PDE1C: variants seen among roughly 807,000 people sequenced by gnomAD.
PDE1C encodes the protein phosphodiesterase 1C, also known as dual specificity calcium/calmodulin-dependent 3',5'-cyclic nucleotide phosphodiesterase 1C.
In PDE1C, 62 loss-of-function variants were observed where a neutral mutation model predicts 93.1. That is an observed-to-expected ratio of 0.67 (90% confidence interval 0.54 to 0.82). PDE1C has a LOEUF of 0.82. Among genes scored for constraint, PDE1C ranks in the 40% least tolerant of loss-of-function variants. PDE1C has a pLI of 0.00. For synonymous variants in PDE1C, 325 were observed against 310.1 expected (o/e 1.05, Z -0.50); for missense variants, 742 against 884.6 (o/e 0.84, Z 2.04).
intron 8 of PDE1C, among the ~76,000 whole-genome samples, chr7:31,848,797 G>A (rs12701147): frequency 0.17 from 25,144 of 152,154 alleles, 2,175 homozygotes; most frequent in Middle Eastern, 0.24. Context: ...CCCTTTGGTG[G>A]CCAAGTGGCA....
At chr7:32,074,056 A>T (rs1796213385), upstream of PDE1C, among the ~76,000 whole-genome samples, 1 of 152,220 alleles carries the variant, frequency 6.6e-6, no homozygotes, top group Non-Finnish European at 1.5e-5. Context: ...GCATGCATAC[A>T]TACATATAAC....
chr7:32,011,986 T>C, intron 2 of PDE1C, among the ~76,000 whole-genome samples: 1 of 152,236 alleles, frequency 6.6e-6, no homozygotes, highest in Non-Finnish European at 1.5e-5. Flanking sequence ...AATGAACTAG[T>C]ATTCCACAAT....
chr7:32,360,434 G>A (rs1438821027), intron 1 of PDE1C, among the ~76,000 whole-genome samples: 1 of 151,928 alleles, frequency 6.6e-6, no homozygotes, highest in African/African-American at 2.4e-5. Context: ...CCTCAAGGCA[G>A]AGGTCTTTCT....
At chr7:32,003,712 CTGT>C in intron 2 of PDE1C, among the ~76,000 whole-genome samples, 1 of 152,294 alleles carries the variant, frequency 6.6e-6, no homozygotes, top group Admixed American at 6.5e-5. Context: ...TCTACAGAGA[CTGT>C]AGAAAAATGG....
the PDE1C span, among the ~76,000 whole-genome samples, chr7:31,730,079 G>A: frequency 1.2e-4 from 18 of 152,214 alleles, no homozygotes; most frequent in East Asian, 2.5e-3. Flanking sequence ...TTGATCTGAC[G>A]AGTAAGTGAG....
At chr7:31,838,123 A>C in intron 9 of PDE1C, 152 bp from the exon 10 acceptor site, 1 of 624,716 alleles carries the variant, frequency 1.6e-6, no homozygotes, top group South Asian at 1.9e-5. Flanking sequence ...TTTTCAAATA[A>C]GGAATAAATG....
At chr7:31,639,904 G>C in the PDE1C span, among the ~76,000 whole-genome samples, 1 of 152,112 alleles carries the variant, frequency 6.6e-6, no homozygotes, top group Non-Finnish European at 1.5e-5. Flanking sequence ...TAGTCTTAGG[G>C]TGGTTTCAAT....
At chr7:32,014,338 C>T (rs1787583634) in intron 2 of PDE1C, among the ~76,000 whole-genome samples, 1 of 152,128 alleles carries the variant, frequency 6.6e-6, no homozygotes. Context: ...TTCAAAAGAT[C>T]ACCCTATCAC....
chr7:31,840,163 A>G (rs1160752908), intron 9 of PDE1C, among the ~76,000 whole-genome samples: 2 of 152,176 alleles, frequency 1.3e-5, no homozygotes, highest in Non-Finnish European at 2.9e-5. Context: ...AATTTCAGCC[A>G]TTCTTCTGAT....
intron 2 of PDE1C, among the ~76,000 whole-genome samples, chr7:32,207,923 TG>T (rs1045149181): frequency 1.8e-4 from 28 of 152,226 alleles, no homozygotes; most frequent in African/African-American, 6.5e-4. Context: ...CCTCACAGCG[TG>T]GTTGGGTCAC....
chr7:32,274,859 G>A lies in PDE1C; in HGVS notation c.85+23792C>T, dbSNP rs111660726. Reference sequence around the variant, plus strand: ...ATTAACGTGTTTACAATTTGCTAACGTGCTTAAGAAAATTGATATGGTTCA... The same window carrying A: ...ATTAACGTGTTTACAATTTGCTAACATGCTTAAGAAAATTGATATGGTTCA... On this transcript the variant is annotated intron_variant, in intron 1 of 18. Transcript: ENST00000396193. Among the ~76,000 whole-genome samples the A allele has an allele frequency of 9.7e-3, 1,472 of 152,238 alleles. 28 individuals are homozygous for A. Among genetic ancestry groups the A allele is most frequent in the African/African-American group, 0.034 (1,421 of 41,514 alleles).
At chr7:32,341,115 G>A (rs1244602944) in intron 1 of PDE1C, among the ~76,000 whole-genome samples, 6 of 151,004 alleles carry the variant, frequency 4.0e-5, no homozygotes, top group Non-Finnish European at 8.9e-5. Flanking sequence ...GGGATGTAGG[G>A]ACTCTGTACT....
At chr7:32,094,495 A>G (rs923238466) in intron 3 of PDE1C, among the ~76,000 whole-genome samples, 7 of 152,236 alleles carry the variant, frequency 4.6e-5, no homozygotes, top group African/African-American at 1.7e-4. Flanking sequence ...GTTCACATAT[A>G]TGATTTCAGA....
intron 16 of PDE1C, among the ~76,000 whole-genome samples, chr7:31,790,464 A>G (rs990383435): frequency 1.3e-5 from 2 of 152,136 alleles, no homozygotes; most frequent in African/African-American, 4.8e-5. Flanking sequence ...CAAAACTGTA[A>G]TATCAGTACA....
chr7:32,407,777 T>C (rs1199461559), intron 1 of PDE1C, among the ~76,000 whole-genome samples: 3 of 152,184 alleles, frequency 2.0e-5, no homozygotes, highest in Non-Finnish European at 4.4e-5. Flanking sequence ...GTGTGGAGCC[T>C]GGGTTGAGGA....
At chr7:31,902,141 T>C (rs185270021) in intron 2 of PDE1C, among the ~76,000 whole-genome samples, 13 of 151,762 alleles carry the variant, frequency 8.6e-5, no homozygotes, top group Admixed American at 2.0e-4. Flanking sequence ...CAACTTATAA[T>C]TGTAAAAGAT....
chr7:32,041,630 T>G (rs1161232392), intron 2 of PDE1C, among the ~76,000 whole-genome samples: 1 of 152,238 alleles, frequency 6.6e-6, no homozygotes, highest in East Asian at 1.9e-4. Flanking sequence ...ACTTTTTTTA[T>G]GCATAAAGAG....
intron 2 of PDE1C, among the ~76,000 whole-genome samples, chr7:32,023,287 G>A (rs975231624): frequency 6.6e-6 from 1 of 152,094 alleles, no homozygotes; most frequent in Non-Finnish European, 1.5e-5. Context: ...TATGACCCAT[G>A]ATGTTGGTTA....
chr7:31,831,636 A>G (rs147518208), intron 11 of PDE1C, among the ~76,000 whole-genome samples: 1 of 152,246 alleles, frequency 6.6e-6, no homozygotes, highest in East Asian at 1.9e-4. Flanking sequence ...TTGGTCTGAA[A>G]AGAACACATT....
Sources: gnomAD v4.1 joint callset for allele counts (sites outside exome capture counted in the v4.1 genomes callset) on GRCh38, gnomAD v4.1.1 for gene constraint, MANE v1.5 for transcripts, NCBI Gene and HGNC (gene_info 2026-07-23, HGNC 2026-07-21) for gene names.